DNAJC13: variants seen among roughly 807,000 people sequenced by gnomAD.
DNAJC13 encodes the protein DnaJ heat shock protein family (Hsp40) member C13, also known as dnaJ homolog subfamily C member 13.
DNAJC13 carries 75 observed loss-of-function variants against 290.5 expected under a neutral mutation model. The observed-to-expected ratio is 0.26, with a 90% CI of 0.21 to 0.31. The LOEUF (loss-of-function observed/expected upper bound fraction) is 0.31, where lower values mean the gene tolerates loss of function less well. Ranked by LOEUF, DNAJC13 falls within the 10% of genes least tolerant of loss-of-function variation. The probability of loss-of-function intolerance (pLI) is 1.00; values close to 1 mark genes in which losing one functional copy is unlikely to be tolerated. For missense variants in DNAJC13, 2,260 were observed against 2,674.5 expected (o/e 0.85, Z 3.42); for synonymous variants, 862 against 892.0 (o/e 0.97, Z 0.60).
chr3:132,419,537 G>A (rs543729704), intron 1 of DNAJC13, among the ~76,000 whole-genome samples: 1 of 152,284 alleles, frequency 6.6e-6, no homozygotes, highest in African/African-American at 2.4e-5. Context: ...AGTGGAGTCC[G>A]GTTCTCAATA....
intron 48 of DNAJC13, among the ~76,000 whole-genome samples, chr3:132,519,218 T>C (rs1936011255): frequency 6.6e-6 from 1 of 152,160 alleles, no homozygotes; most frequent in South Asian, 2.1e-4. Flanking sequence ...TGTCAGATTG[T>C]TTTCCAAAGT....
intron 2 of DNAJC13, among the ~76,000 whole-genome samples, chr3:132,444,477 A>G (rs1203275776): frequency 6.6e-6 from 1 of 152,218 alleles, no homozygotes; most frequent in Non-Finnish European, 1.5e-5. Flanking sequence ...ATTGAAAAGG[A>G]TATTTTCTTA....
chr3:132,471,113 G>A (rs1289784699), intron 20 of DNAJC13, among the ~76,000 whole-genome samples: 3 of 135,382 alleles, frequency 2.2e-5, no homozygotes, highest in Admixed American at 1.4e-4. Flanking sequence ...GCCGGGTGGG[G>A]GGGCTGACCC....
At chr3:132,425,862 T>A (rs1052209165) in intron 1 of DNAJC13, among the ~76,000 whole-genome samples, 3 of 152,126 alleles carry the variant, frequency 2.0e-5, no homozygotes, top group Admixed American at 1.3e-4. Context: ...GTGTGTAAAT[T>A]TTTTTGCTTA....
rs577925160 is a variant in DNAJC13 at position 132,493,707 on chromosome 3, C to T, written c.3826-437C>T. ...GCATACCCATAATTATGTTAGATCA[C>T]CTTGAGAAGCACACCACAATATACT... On this transcript the variant is annotated intron_variant, in intron 33 of 55. Coordinates refer to ENST00000260818, the MANE Select transcript of DNAJC13 (RefSeq NM_015268.4). 2.6e-5 allele frequency among the ~76,000 whole-genome samples: 4 copies of T among 151,942 alleles called. No homozygotes were observed. The South Asian group carries it at 8.3e-4, about 32-fold the overall frequency.
At chr3:132,471,301 C>T (rs1217347034) in intron 20 of DNAJC13, among the ~76,000 whole-genome samples, 1 of 143,400 alleles carries the variant, frequency 7.0e-6, no homozygotes, top group African/African-American at 2.6e-5. Context: ...GGGCTGACCC[C>T]CCACCTCCCT....
chr3:132,425,428 A>G (rs866306713), intron 1 of DNAJC13, among the ~76,000 whole-genome samples: 66 of 152,318 alleles, frequency 4.3e-4, no homozygotes, highest in African/African-American at 1.5e-3. Context: ...AGAACTTTAC[A>G]TTAGATACCC....
intron 1 of DNAJC13, among the ~76,000 whole-genome samples, chr3:132,425,345 T>G (rs1018061815): frequency 2.6e-5 from 4 of 152,138 alleles, no homozygotes; most frequent in African/African-American, 9.7e-5. Flanking sequence ...GTAGGAGAGT[T>G]TGATCAGAAA....
chr3:132,520,697 C>T (rs1313954850), intron 48 of DNAJC13, among the ~76,000 whole-genome samples: 1 of 152,090 alleles, frequency 6.6e-6, no homozygotes, highest in Non-Finnish European at 1.5e-5. Flanking sequence ...TGAAAGGACT[C>T]ATGTTAAGAC....
rs774876337 is a variant in DNAJC13 at position 132,467,256 on chromosome 3, A to C, written c.2151A>C (p.Glu717Asp). ...AAGAAGTTGAAAAATTTGCCAAAGA[A>C]AAAGTGGATCTTGTATTGATGCACT... Reference protein sequence around the residue: ...AAKEVEKFAKEKVDLVLMHWR... With the variant: ...AAKEVEKFAKDKVDLVLMHWR... Residue 717 changes from glutamate to aspartate, a missense_variant, in exon 20 of 56, where the codon GAA (glutamate) becomes GAC (aspartate). Glu to Asp is a conservative substitution (Grantham distance 45). Coordinates refer to ENST00000260818, the MANE Select transcript of DNAJC13 (RefSeq NM_015268.4). 1 of 1,614,040 alleles carries C rather than the reference A, an allele frequency of 6.2e-7. No homozygotes were observed. Among genetic ancestry groups the C allele is most frequent in the Admixed American group, 1.7e-5 (1 of 60,018 alleles).
intron 17 of DNAJC13, among the ~76,000 whole-genome samples, chr3:132,464,833 A>C (rs1369736118): frequency 6.6e-6 from 1 of 152,176 alleles, no homozygotes; most frequent in African/African-American, 2.4e-5. Context: ...ATAGTTAACC[A>C]GTTAAATTCC....
intron 52 of DNAJC13, 46 bp from the exon 53 acceptor site, chr3:132,526,095 A>G: frequency 4.4e-6 from 7 of 1,606,066 alleles, no homozygotes; most frequent in South Asian, 2.2e-5. Flanking sequence ...ACTATGTTAT[A>G]TAAATATTGC....
At chr3:132,450,519 T>C in intron 5 of DNAJC13, 128 bp from the exon 6 acceptor site, 1 of 612,940 alleles carries the variant, frequency 1.6e-6, no homozygotes, top group Non-Finnish European at 2.8e-6. Flanking sequence ...ACAATTTGGA[T>C]AGTAGCTCTA....
intron 20 of DNAJC13, among the ~76,000 whole-genome samples, chr3:132,472,238 CAG>C (rs1934305038): frequency 2.0e-5 from 3 of 152,164 alleles, no homozygotes; most frequent in African/African-American, 4.8e-5. Flanking sequence ...GAGAGGGAGA[CAG>C]AGGGAGAGGG....
chr3:132,448,396 TTGGCA>T (rs1236989885), intron 5 of DNAJC13, among the ~76,000 whole-genome samples: 1 of 152,148 alleles, frequency 6.6e-6, no homozygotes, highest in African/African-American at 2.4e-5. Context: ...GTACTGAAGC[TTGGCA>T]TGGTGCACTG....
At chr3:132,499,619 T>G in intron 37 of DNAJC13, 115 bp from the exon 38 acceptor site, 2 of 932,822 alleles carry the variant, frequency 2.1e-6, no homozygotes, top group Non-Finnish European at 3.3e-6. Context: ...TGATCAAACA[T>G]TTATGTATCA....
rs1258488900 is a variant in DNAJC13 at position 132,450,747 on chromosome 3, G to A, written c.437G>A (p.Arg146Lys). 1 of 1,612,104 alleles carries A rather than the reference G, an allele frequency of 6.2e-7. No homozygotes were observed. Among genetic ancestry groups the A allele is most frequent in the Non-Finnish European group, 8.5e-7 (1 of 1,178,476 alleles). ...GFDQINPATN[R>K]VLCSYDYRNI... is the part of the protein sequence containing the mutation. ...GACCAAATTAATCCTGCAACCAACA[G>A]AGTACTCTGTTCCTATGACTATAGA... The change falls in exon 6 of 56, where the codon AGA becomes AAA. Residue 146 changes from arginine to lysine, a missense_variant. Arg to Lys is a conservative substitution (Grantham distance 26). Transcript: ENST00000260818.
rs761963497 is a variant in DNAJC13, at chr3:132,503,428, C to A, written c.4884+47C>A. 2.7e-5 allele frequency: 43 copies of A among 1,602,802 alleles called. No homozygotes were observed. The East Asian group carries it at 8.3e-4, about 31-fold the overall frequency. On this transcript the variant is annotated intron_variant, in intron 41 of 55. Transcript: ENST00000260818. ...TGGGTTTTAATCAATAGTGCAAGAT[C>A]CTTTAAGCAGTAAAGTAGTACAATA...
chr3:132,479,717 ATT>A (rs1401497508), intron 25 of DNAJC13, among the ~76,000 whole-genome samples: 1 of 152,074 alleles, frequency 6.6e-6, no homozygotes, highest in Admixed American at 6.5e-5. Flanking sequence ...TTTACTCTGT[ATT>A]TTCTTTTTAA....
Sources: allele counts gnomAD v4.1 joint callset (sites outside exome capture counted in the v4.1 genomes callset), GRCh38; gene constraint gnomAD v4.1.1; transcripts MANE v1.5; gene names NCBI Gene and HGNC (gene_info 2026-07-23, HGNC 2026-07-21).